Variants in CTDSPL2 observed in about 807,000 individuals in gnomAD.
The protein encoded by CTDSPL2 is CTD small phosphatase like 2, also known as CTD small phosphatase-like protein 2.
In CTDSPL2, 5 loss-of-function variants were observed where a neutral mutation model predicts 60.0. That is an observed-to-expected ratio of 0.08 (90% CI 0.04 to 0.18). CTDSPL2 has a LOEUF of 0.18. Among genes scored for constraint, CTDSPL2 ranks in the 10% least tolerant of loss-of-function variants. CTDSPL2 has a pLI of 1.00. For synonymous variants in CTDSPL2, 186 were observed against 189.3 expected, an observed-to-expected ratio of 0.98 and a Z score of 0.14; for missense variants, 370 against 548.8, an observed-to-expected ratio of 0.67 and a Z score of 3.26.
chr15:44,501,838 T>C, intron 8 of CTDSPL2: 1 of 346,242 alleles, frequency 2.9e-6, no homozygotes, highest in Middle Eastern at 3.9e-4. Context: ...CTTGGATTTC[T>C]TATTTTGGCA....
intron 2 of CTDSPL2, among the ~76,000 whole-genome samples, chr15:44,460,898 T>A (rs1472176341): frequency 6.6e-6 from 1 of 152,222 alleles, no homozygotes; most frequent in Admixed American, 6.5e-5. Flanking sequence ...CAGCCTCTGT[T>A]GATGGGAACC....
At chr15:44,443,051 A>T (rs2080124988) in intron 1 of CTDSPL2, among the ~76,000 whole-genome samples, 1 of 152,086 alleles carries the variant, frequency 6.6e-6, no homozygotes, top group Non-Finnish European at 1.5e-5. Context: ...TTTGGATTAG[A>T]TGAAGATCTA....
At chr15:44,449,494 A>G (rs1216669795) in intron 1 of CTDSPL2, 1 of 152,376 alleles carries the variant, frequency 6.6e-6, no homozygotes, top group Non-Finnish European at 1.5e-5. Flanking sequence ...ATGCCTGGCT[A>G]ATTTTTTTGT....
At chr15:44,442,941 C>T (rs1318937077) in intron 1 of CTDSPL2, among the ~76,000 whole-genome samples, 3 of 151,830 alleles carry the variant, frequency 2.0e-5, no homozygotes, top group Non-Finnish European at 4.4e-5. Flanking sequence ...CCTGCCGCTG[C>T]ACTCCAGCCT....
At chr15:44,473,769 G>T (rs771439287) in intron 2 of CTDSPL2, among the ~76,000 whole-genome samples, 5 of 152,166 alleles carry the variant, frequency 3.3e-5, no homozygotes, top group Non-Finnish European at 7.4e-5. Context: ...AAACTGCCCA[G>T]CTATTTCACC....
intron 1 of CTDSPL2, among the ~76,000 whole-genome samples, chr15:44,428,315 A>T (rs1454575539): frequency 1.3e-5 from 2 of 152,108 alleles, no homozygotes; most frequent in Non-Finnish European, 2.9e-5. Flanking sequence ...TCAAATCGGG[A>T]GTGGTAGTAA....
intron 1 of CTDSPL2, among the ~76,000 whole-genome samples, chr15:44,443,889 G>C (rs562888092): frequency 5.3e-5 from 8 of 152,128 alleles, no homozygotes; most frequent in African/African-American, 1.7e-4. Flanking sequence ...AGTGTACTTT[G>C]ATACACAAAA....
At chr15:44,443,231 C>T (rs1177602730) in intron 1 of CTDSPL2, among the ~76,000 whole-genome samples, 1 of 152,190 alleles carries the variant, frequency 6.6e-6, no homozygotes, top group African/African-American at 2.4e-5. Flanking sequence ...TAATATATAT[C>T]AGAATTTCCT....
At chr15:44,508,764 T>C (rs2049098470) in intron 8 of CTDSPL2, among the ~76,000 whole-genome samples, 2 of 151,940 alleles carry the variant, frequency 1.3e-5, no homozygotes. Context: ...CTACTAAAAA[T>C]ACAAAAAACT....
intron 1 of CTDSPL2, among the ~76,000 whole-genome samples, chr15:44,439,736 A>G (rs901874818): frequency 6.6e-6 from 1 of 152,296 alleles, no homozygotes; most frequent in East Asian, 1.9e-4. Context: ...AAGTAGTAGC[A>G]TTACCAACGT....
chr15:44,486,688 G>T lies in CTDSPL2; in HGVS notation c.463G>T (p.Ala155Ser). 1 of 1,576,244 alleles carries T rather than the reference G, an allele frequency of 6.3e-7. No individual in the cohort carries two copies. The highest frequency in any genetic ancestry group is 8.6e-7 in the Non-Finnish European group (1 of 1,166,316). The change falls in exon 4 of 13, where the codon GCA (alanine) becomes TCA (serine). Residue 155 changes from alanine (A) to serine (S), a missense_variant. This residue lies in a region of CTDSPL2 where 287 missense variants were observed against 296.1 expected (regional missense o/e 0.97). Coordinates refer to ENST00000260327, the MANE Select transcript of CTDSPL2 (RefSeq NM_016396.3). ...FSPVFNFFSP[A>S]NKNGTSGSDS... The stretch of plus-strand genomic sequence containing the variant: ...ACCTGTCTTCAACTTTTTTTCACCA[G>T]CAAATAAAAATGGTAAGTATAAACT...
chr15:44,436,676 A>G (rs1358109611), intron 1 of CTDSPL2, among the ~76,000 whole-genome samples: 2 of 152,178 alleles, frequency 1.3e-5, no homozygotes, highest in Non-Finnish European at 2.9e-5. Flanking sequence ...TCAGGAGTCT[A>G]CTCTAGAACC....
At chr15:44,509,585 AAC>A (rs1413587251) in intron 8 of CTDSPL2, among the ~76,000 whole-genome samples, 3 of 152,162 alleles carry the variant, frequency 2.0e-5, no homozygotes, top group Non-Finnish European at 2.9e-5. Flanking sequence ...TTTTTATCTT[AAC>A]ACACAAAAAA....
chr15:44,470,307 G>A (rs1480937740), intron 2 of CTDSPL2, among the ~76,000 whole-genome samples: 1 of 151,920 alleles, frequency 6.6e-6, no homozygotes, highest in African/African-American at 2.4e-5. Flanking sequence ...ATATTATGAT[G>A]TATCTCATTA....
At chr15:44,474,980 C>CAATA (rs1366718137) in intron 2 of CTDSPL2, among the ~76,000 whole-genome samples, 1 of 151,970 alleles carries the variant, frequency 6.6e-6, no homozygotes, top group Non-Finnish European at 1.5e-5. Context: ...GACTGAAAGA[C>CAATA]AATAAATAAA....
At chr15:44,514,529 C>A in intron 8 of CTDSPL2, 69 bp from the exon 9 acceptor site, 1 of 906,122 alleles carries the variant, frequency 1.1e-6, no homozygotes, top group Non-Finnish European at 1.8e-6. Flanking sequence ...TAGAATACAG[C>A]ACATCTTAAA....
chr15:44,476,733 G>A (rs181345898), intron 2 of CTDSPL2, among the ~76,000 whole-genome samples: 4 of 152,266 alleles, frequency 2.6e-5, no homozygotes, highest in African/African-American at 9.6e-5. Context: ...ATCTTGGTTT[G>A]TGTAAATACG....
intron 2 of CTDSPL2, among the ~76,000 whole-genome samples, chr15:44,460,196 T>C (rs1055798486): frequency 2.6e-5 from 4 of 152,152 alleles, no homozygotes. Context: ...CTGCAACCTC[T>C]GCCTCCCGAG....
chr15:44,437,107 C>T (rs765558757), intron 1 of CTDSPL2, among the ~76,000 whole-genome samples: 12 of 152,082 alleles, frequency 7.9e-5, no homozygotes, highest in African/African-American at 1.9e-4. Context: ...CACATTAAGT[C>T]GGGGTGGAAT....
Sources: gnomAD v4.1 joint callset for allele counts (sites outside exome capture counted in the v4.1 genomes callset) on GRCh38, gnomAD v4.1.1 for gene constraint, gnomAD v4.1.1 regional missense constraint, MANE v1.5 for transcripts, NCBI Gene and HGNC (gene_info 2026-07-23, HGNC 2026-07-21) for gene names.